The following PRKAG2 variants were observed in gnomAD, a reference collection of about 807,000 sequenced individuals.
The protein encoded by PRKAG2 is protein kinase AMP-activated non-catalytic subunit gamma 2.
In PRKAG2, 26 loss-of-function variants were observed where a neutral mutation model predicts 69.6. That is an observed-to-expected ratio of 0.37 (90% CI 0.27 to 0.52). The LOEUF is 0.52. PRKAG2 is among the 20% of genes least tolerant of loss of function. The pLI, the probability that PRKAG2 is intolerant of heterozygous loss-of-function variation, is 0.90. For synonymous variants in PRKAG2, 293 were observed against 285.0 expected (o/e 1.03, Z -0.28); for missense variants, 557 against 740.0 (o/e 0.75, Z 2.87).
At chr7:151,681,295 C>A (rs556274630) in intron 3 of PRKAG2, among the ~76,000 whole-genome samples, 115 of 152,344 alleles carry the variant, frequency 7.5e-4, no homozygotes, top group Non-Finnish European at 1.4e-3. Context: ...TCATTGCCAT[C>A]TTTCCAAGTT....
In PRKAG2 at chr7:151,861,216, C is replaced by A. The variant is rs147982570; in HGVS notation, c.114+15291G>T. ...CCTAATGAGGGATTAAAAAGGAAAT[C>A]TCGTTCAAATTACAATCAAAGAATC... On this transcript the variant is annotated intron_variant, in intron 1 of 15. Transcript: ENST00000287878. Among the ~76,000 whole-genome samples, 8 of 152,258 alleles carry A rather than the reference C, an allele frequency of 5.3e-5. 1 individual carries two copies. Among genetic ancestry groups the A allele is most frequent in the Non-Finnish European group, 1.0e-4 (7 of 68,020 alleles).
intron 5 of PRKAG2, among the ~76,000 whole-genome samples, chr7:151,599,047 T>C (rs1374223782): frequency 1.3e-5 from 2 of 152,078 alleles, no homozygotes; most frequent in African/African-American, 2.4e-5. Flanking sequence ...AGACGGGGTT[T>C]CACCATGTTG....
intron 3 of PRKAG2, among the ~76,000 whole-genome samples, chr7:151,709,542 CA>C (rs1220071095): frequency 1.3e-5 from 2 of 152,076 alleles, no homozygotes; most frequent in African/African-American, 4.8e-5. Context: ...GACATGGTGA[CA>C]TTGAGTGACT....
In PRKAG2 at chr7:151,792,885, A is replaced by G. The variant is rs188472337; in HGVS notation, c.115-6344T>C. Among the ~76,000 whole-genome samples, 98 of 152,274 alleles carry G rather than the reference A, an allele frequency of 6.4e-4. 1 individual carries two copies. Among genetic ancestry groups the G allele is most frequent in the Middle Eastern group, 6.8e-3 (2 of 294 alleles). On this transcript the variant is annotated intron_variant, in intron 1 of 15. Transcript: ENST00000287878. ...CGAGGCCAGGGCCCCTCCCGGCCAT[A>G]TTCAAGCCCCCGTGTCCCTCAGGCC...
rs115257026 is a variant in PRKAG2 at position 151,745,474 on chromosome 7, T to A, written c.466+35678A>T. Among the ~76,000 whole-genome samples the A allele has an allele frequency of 5.2e-3, 787 of 152,220 alleles. 9 individuals are homozygous for A. The highest frequency in any genetic ancestry group is 0.017 in the African/African-American group (706 of 41,538). On this transcript the variant is annotated intron_variant, in intron 3 of 15. Transcript: ENST00000287878. The stretch of plus-strand genomic sequence containing the variant: ...TCTGCGGAGCACCCTCTGCCCTGAC[T>A]CAAGCCCCCACGCCTCTGTTCCACG...
At chr7:151,658,749 A>G (rs1454979816) in intron 4 of PRKAG2, among the ~76,000 whole-genome samples, 1 of 152,222 alleles carries the variant, frequency 6.6e-6, no homozygotes, top group Non-Finnish European at 1.5e-5. Context: ...TCTATCACTA[A>G]GCATCTAGCA....
Position 151,558,806 on chromosome 7 carries a change from T to C in PRKAG2, c.1679-1574A>G, listed in dbSNP as rs73473701. On this transcript the variant is annotated intron_variant, in intron 15 of 15. Transcript: ENST00000287878. Reference sequence around the variant, plus strand: ...TGCACCAGCAGTGATGGGAGGGGCATTGCAATGACTTAGAATTTTTGAAAT... The same window carrying C: ...TGCACCAGCAGTGATGGGAGGGGCACTGCAATGACTTAGAATTTTTGAAAT... The C allele has an allele frequency of 7.1e-5, 70 of 985,426 alleles. No individual in the cohort carries two copies. The African/African-American group carries it at 1.1e-3, about 16-fold the overall frequency. 61.0% of individuals were successfully genotyped at this position (985,426 alleles called of 1,614,324 possible).
At chr7:151,722,227 T>C (rs1797228906) in intron 3 of PRKAG2, among the ~76,000 whole-genome samples, 1 of 152,132 alleles carries the variant, frequency 6.6e-6, no homozygotes, top group Non-Finnish European at 1.5e-5. Context: ...TTTGCTATCT[T>C]ATAAAAGGGG....
intron 3 of PRKAG2, among the ~76,000 whole-genome samples, chr7:151,677,084 G>A (rs1325449904): frequency 6.6e-6 from 1 of 152,248 alleles, no homozygotes; most frequent in Non-Finnish European, 1.5e-5. Flanking sequence ...AAGCCACTCA[G>A]TCGGTGGCAC....
intron 3 of PRKAG2, among the ~76,000 whole-genome samples, chr7:151,724,749 C>T (rs921828913): frequency 4.7e-5 from 7 of 147,834 alleles, no homozygotes; most frequent in South Asian, 2.1e-4. Context: ...TGCGGCTCTC[C>T]GCGCCACGCT....
chr7:151,844,037 A>C (rs1441225253), intron 1 of PRKAG2, among the ~76,000 whole-genome samples: 1 of 152,228 alleles, frequency 6.6e-6, no homozygotes, highest in Non-Finnish European at 1.5e-5. Context: ...GAGATGTAGA[A>C]GGAGGTAGAA....
chr7:151,720,226 T>C (rs967406419), intron 3 of PRKAG2, among the ~76,000 whole-genome samples: 4 of 152,158 alleles, frequency 2.6e-5, no homozygotes, highest in Admixed American at 6.5e-5. Context: ...GGAAAGGTAG[T>C]GGAAGCCCAG....
At chr7:151,791,586 T>C (rs972376815) in intron 1 of PRKAG2, among the ~76,000 whole-genome samples, 2 of 152,190 alleles carry the variant, frequency 1.3e-5, no homozygotes, top group African/African-American at 4.8e-5. Context: ...CTGCACAAAA[T>C]GTAAGTCAGA....
At chr7:151,860,029 G>C (rs1233979121) in intron 1 of PRKAG2, among the ~76,000 whole-genome samples, 2 of 152,168 alleles carry the variant, frequency 1.3e-5, no homozygotes, top group Admixed American at 6.5e-5. Flanking sequence ...GCTGACGGAG[G>C]TGGCCGGGCA....
intron 3 of PRKAG2, among the ~76,000 whole-genome samples, chr7:151,689,458 A>G (rs1835309579): frequency 6.6e-6 from 1 of 152,170 alleles, no homozygotes; most frequent in Non-Finnish European, 1.5e-5. Flanking sequence ...GCATTGTTCT[A>G]CCTGGCACGA....
At chr7:151,805,411 AC>A (rs2078052112) in intron 1 of PRKAG2, among the ~76,000 whole-genome samples, 1 of 152,064 alleles carries the variant, frequency 6.6e-6, no homozygotes, top group African/African-American at 2.4e-5. Flanking sequence ...AATAGGAGGA[AC>A]CCCCAGTGAG....
At position 151,735,484 on chromosome 7, in the gene PRKAG2, G is replaced by A. The variant is rs866961829; in HGVS notation, c.466+45668C>T. 4.6e-5 allele frequency among the ~76,000 whole-genome samples: 7 copies of A among 152,114 alleles called. No homozygotes were observed. The South Asian group carries it at 8.3e-4, about 18-fold the overall frequency. On this transcript the variant is annotated intron_variant, in intron 3 of 15. Coordinates refer to ENST00000287878, the MANE Select transcript of PRKAG2 (RefSeq NM_016203.4). Reference sequence around the variant, plus strand: ...AGCCCACGATCTGTCAGATTACTCCGCTACGGAACCTGGGAAGAAGACCTC... The same window carrying A: ...AGCCCACGATCTGTCAGATTACTCCACTACGGAACCTGGGAAGAAGACCTC...
chr7:151,844,960 G>C (rs2079395543), intron 1 of PRKAG2, among the ~76,000 whole-genome samples: 1 of 152,066 alleles, frequency 6.6e-6, no homozygotes, highest in Admixed American at 6.5e-5. Context: ...CTGGGACACG[G>C]GGACGTCACA....
At chr7:151,711,620 C>A (rs1032699498) in intron 3 of PRKAG2, among the ~76,000 whole-genome samples, 15 of 152,226 alleles carry the variant, frequency 9.9e-5, no homozygotes, top group African/African-American at 3.6e-4. Context: ...AATCTCCATC[C>A]ACCAAGGAGG....
Sources: allele counts gnomAD v4.1 joint callset (sites outside exome capture counted in the v4.1 genomes callset), GRCh38; gene constraint gnomAD v4.1.1; transcripts MANE v1.5; gene names NCBI Gene and HGNC (gene_info 2026-07-23, HGNC 2026-07-21).